GMDS: variants seen among roughly 807,000 people sequenced by gnomAD.
GMDS encodes the protein GDP-mannose 4,6-dehydratase.
In GMDS, 20 loss-of-function variants were observed where a neutral mutation model predicts 49.9. The observed-to-expected ratio is 0.40, with a 90% CI of 0.28 to 0.58. The LOEUF is 0.58. GMDS is among the 20% of genes least tolerant of loss of function. GMDS has a pLI of 0.42. For missense variants in GMDS, 362 were observed against 481.4 expected (o/e 0.75, Z 2.32); for synonymous variants, 177 against 178.6 (o/e 0.99, Z 0.07).
At chr6:1,922,447 A>G (rs1173069616) in intron 7 of GMDS, among the ~76,000 whole-genome samples, 1 of 152,210 alleles carries the variant, frequency 6.6e-6, no homozygotes, top group Admixed American at 6.5e-5. Flanking sequence ...GGAGGCAGAC[A>G]GGGGCAGGTC....
rs1330495619 is a variant in GMDS at position 1,640,356 on chromosome 6, CTTGG to C, written c.988-15820_988-15817del. On this transcript the variant is annotated intron_variant, in intron 9 of 10. Coordinates refer to ENST00000380815, the MANE Select transcript of GMDS (RefSeq NM_001500.4). This position sits in a 1 kb window ranked among gnomAD's most constrained non-coding sequence, Gnocchi z 4.0. Reference sequence around the variant, plus strand: ...ACTAGATTCACCACGTTTGAGGTGGCTTGGTGTCCTCATCCTCAGGCATGCCACA... The same window carrying C: ...ACTAGATTCACCACGTTTGAGGTGGCTGTCCTCATCCTCAGGCATGCCACA... Among the ~76,000 whole-genome samples, 1 of 152,156 alleles carries C rather than the reference CTTGG, an allele frequency of 6.6e-6. No homozygotes were observed. Among genetic ancestry groups the C allele is most frequent in the Admixed American group, 6.5e-5 (1 of 15,288 alleles).
chr6:1,664,524 C>T (rs940973777), intron 9 of GMDS, among the ~76,000 whole-genome samples: 5 of 152,186 alleles, frequency 3.3e-5, no homozygotes, highest in Admixed American at 6.5e-5. Flanking sequence ...CTAGAGTCCC[C>T]GATTCATGGT....
chr6:2,120,001 T>C (rs1449644844), intron 2 of GMDS, among the ~76,000 whole-genome samples: 1 of 152,198 alleles, frequency 6.6e-6, no homozygotes, highest in Non-Finnish European at 1.5e-5. Flanking sequence ...AAAATTATTA[T>C]CACTGAATTT....
At chr6:1,703,109 T>G (rs1267752417) in intron 9 of GMDS, among the ~76,000 whole-genome samples, 2 of 152,156 alleles carry the variant, frequency 1.3e-5, no homozygotes, top group African/African-American at 2.4e-5. Flanking sequence ...GACAAGCACA[T>G]GCAGTGGGTT....
chr6:2,081,390 C>A (rs1025059267), intron 4 of GMDS, among the ~76,000 whole-genome samples: 1 of 152,098 alleles, frequency 6.6e-6, no homozygotes, highest in African/African-American at 2.4e-5. Flanking sequence ...CACCCAACAG[C>A]CTTATGAAGG....
intron 7 of GMDS, among the ~76,000 whole-genome samples, chr6:1,762,052 G>C (rs1237387962): frequency 6.6e-6 from 1 of 152,202 alleles, no homozygotes; most frequent in Non-Finnish European, 1.5e-5. Flanking sequence ...TACAGAAAAA[G>C]CCGAGAAGCA....
chr6:2,220,154 G>A (rs146572361), intron 1 of GMDS, among the ~76,000 whole-genome samples: 126 of 152,314 alleles, frequency 8.3e-4, no homozygotes, highest in African/African-American at 3.0e-3. Flanking sequence ...GATGACTCCG[G>A]AGGAAACATC....
intron 1 of GMDS, among the ~76,000 whole-genome samples, chr6:2,241,490 A>T (rs1781611991): frequency 6.6e-6 from 1 of 152,194 alleles, no homozygotes; most frequent in South Asian, 2.1e-4. Flanking sequence ...CAAATCTCAC[A>T]CTGAAATTTA....
chr6:1,677,049 A>C (rs34183536), intron 9 of GMDS, among the ~76,000 whole-genome samples: 13,254 of 152,282 alleles, frequency 0.087, 894 homozygotes, highest in East Asian at 0.21. Flanking sequence ...GGGCTAATAT[A>C]CAGAATCTAC....
chr6:1,866,545 T>C (rs12190459), intron 7 of GMDS, among the ~76,000 whole-genome samples: 24,555 of 152,250 alleles, frequency 0.16, 2,545 homozygotes, highest in Admixed American at 0.22. Flanking sequence ...CAGCAGCCAG[T>C]TCAATGGGCC....
chr6:1,668,971 G>A (rs1019445884), intron 9 of GMDS, among the ~76,000 whole-genome samples: 5 of 152,100 alleles, frequency 3.3e-5, no homozygotes, highest in Non-Finnish European at 5.9e-5. Context: ...GACACACCCT[G>A]GAATTAGTGA....
At chr6:1,676,442 C>A (rs1482511522) in intron 9 of GMDS, among the ~76,000 whole-genome samples, 1 of 152,180 alleles carries the variant, frequency 6.6e-6, no homozygotes, top group African/African-American at 2.4e-5. Context: ...CTTTAAACTT[C>A]ATATGGAACC....
intron 9 of GMDS, among the ~76,000 whole-genome samples, chr6:1,717,155 G>T (rs1766204647): frequency 6.6e-6 from 1 of 152,214 alleles, no homozygotes; most frequent in Admixed American, 6.5e-5. Flanking sequence ...CCTTGATTTA[G>T]CTCAGTGGGA....
In GMDS at chr6:2,027,007, T is replaced by A. The variant is rs536619986; in HGVS notation, c.346-66041A>T. 2.4e-3 allele frequency among the ~76,000 whole-genome samples: 372 copies of A among 152,268 alleles called. 1 individual carries two copies. Among genetic ancestry groups the A allele is most frequent in the African/African-American group, 8.7e-3 (362 of 41,548 alleles). On this transcript the variant is annotated intron_variant, in intron 4 of 10. Transcript: ENST00000380815. ...AATATACCAAAAAATCCCCCAGAAA[T>A]TATGGAATACATTTTAGCATGTACA...
chr6:2,030,470 T>C lies in GMDS; in HGVS notation c.346-69504A>G, dbSNP rs113262933. On this transcript the variant is annotated intron_variant, in intron 4 of 10. Coordinates refer to ENST00000380815, the MANE Select transcript of GMDS (RefSeq NM_001500.4). Reference sequence around the variant, plus strand: ...ATGTTGTCCCAACTTCTATTTTACATGGACCTTGCTCCCTACATAAAATGC... The same window carrying C: ...ATGTTGTCCCAACTTCTATTTTACACGGACCTTGCTCCCTACATAAAATGC... Among the ~76,000 whole-genome samples, 1,340 of 152,318 alleles carry C rather than the reference T, an allele frequency of 8.8e-3. 20 individuals are homozygous for C. The highest frequency in any genetic ancestry group is 0.031 in the African/African-American group (1,280 of 41,578).
chr6:2,001,073 T>G (rs1205766125), intron 4 of GMDS, among the ~76,000 whole-genome samples: 2 of 152,192 alleles, frequency 1.3e-5, no homozygotes, highest in African/African-American at 4.8e-5. Flanking sequence ...TACAGACTGT[T>G]TGCAGAAGTG....
chr6:2,011,014 T>C (rs4959624), intron 4 of GMDS, among the ~76,000 whole-genome samples: 71,059 of 151,892 alleles, frequency 0.47, 16,937 homozygotes, highest in African/African-American at 0.56. Context: ...AAGATAAAGA[T>C]TTAAAAGAAT....
chr6:1,662,074 G>A (rs886861753), intron 9 of GMDS, among the ~76,000 whole-genome samples: 2 of 152,070 alleles, frequency 1.3e-5, no homozygotes, highest in Non-Finnish European at 2.9e-5. Flanking sequence ...GAGGAACTGC[G>A]TGGCTGGAAG....
At chr6:1,986,044 A>G (rs1053085247) in intron 4 of GMDS, among the ~76,000 whole-genome samples, 11 of 152,228 alleles carry the variant, frequency 7.2e-5, no homozygotes, top group African/African-American at 2.7e-4. Context: ...TGAAAAATGG[A>G]TGACCTAGAA....
Sources: gnomAD v4.1 joint callset for allele counts (sites outside exome capture counted in the v4.1 genomes callset) on GRCh38, gnomAD v4.1.1 for gene constraint, Gnocchi (gnomAD v3.1) non-coding constraint, MANE v1.5 for transcripts, NCBI Gene and HGNC (gene_info 2026-07-23, HGNC 2026-07-21) for gene names.